The following JAKMIP2 variants were observed in gnomAD, a reference collection of about 807,000 sequenced individuals.
JAKMIP2 encodes janus kinase and microtubule interacting protein 2.
In JAKMIP2, 25 loss-of-function variants were observed where a neutral mutation model predicts 115.0. The ratio of observed to expected loss-of-function variants is 0.22; its 90% CI spans 0.16 to 0.30. The LOEUF is 0.30. Ranked by LOEUF, JAKMIP2 falls within the 10% of genes least tolerant of loss-of-function variation. The probability of loss-of-function intolerance (pLI) is 1.00; values close to 1 mark genes in which losing one functional copy is unlikely to be tolerated. For synonymous variants in JAKMIP2, 334 were observed against 343.6 expected (o/e 0.97, Z 0.31); for missense variants, 642 against 957.6 (o/e 0.67, Z 4.35).
chr5:147,595,654 G>GT, intron 21 of JAKMIP2: 1 of 366,420 alleles, frequency 2.7e-6, no homozygotes, highest in South Asian at 2.1e-5. Context: ...CAGAATTGTT[G>GT]TAAGTATTAC....
chr5:147,703,752 C>CT (rs965047238), intron 1 of JAKMIP2, among the ~76,000 whole-genome samples: 3 of 151,164 alleles, frequency 2.0e-5, no homozygotes, highest in African/African-American at 4.9e-5. Context: ...ACTTCATAAA[C>CT]TTTTTTTTTA....
chr5:147,636,172 T>C, intron 12 of JAKMIP2, 50 bp downstream of exon 12: 2 of 1,482,458 alleles, frequency 1.3e-6, no homozygotes, highest in Non-Finnish European at 1.9e-6. Flanking sequence ...TGCTCCTGGA[T>C]CTCTCATGAT....
intron 1 of JAKMIP2, among the ~76,000 whole-genome samples, chr5:147,735,355 GT>G (rs748146811): frequency 9.9e-5 from 15 of 152,172 alleles, no homozygotes; most frequent in Non-Finnish European, 2.1e-4. Context: ...AGACTGGGTA[GT>G]TTATAAAGGA....
At chr5:147,620,766 T>TA in intron 17 of JAKMIP2, 23 bp from the exon 18 acceptor site, 1 of 1,557,160 alleles carries the variant, frequency 6.4e-7, no homozygotes, top group East Asian at 2.2e-5. Context: ...GCCATATTGA[T>TA]AGAGTCAGCT....
chr5:147,711,480 G>A (rs1393297064), intron 1 of JAKMIP2, among the ~76,000 whole-genome samples: 1 of 152,084 alleles, frequency 6.6e-6, no homozygotes, highest in Non-Finnish European at 1.5e-5. Flanking sequence ...AGGCAAAGGG[G>A]GCATATTGGT....
intron 21 of JAKMIP2, chr5:147,594,617 C>T: frequency 3.4e-6 from 1 of 294,406 alleles, no homozygotes; most frequent in Non-Finnish European, 7.2e-6. Flanking sequence ...TACAGAGCCA[C>T]TGTGCCCAGC....
At chr5:147,591,809 CT>C (rs1199405385) in intron 21 of JAKMIP2, 123 bp from the exon 22 acceptor site, 7 of 607,062 alleles carry the variant, frequency 1.2e-5, no homozygotes, top group Non-Finnish European at 2.0e-5. Flanking sequence ...TGTGTATGAT[CT>C]TATGCAAGTT....
At chr5:147,630,916 C>A (rs1332494405) in intron 14 of JAKMIP2, among the ~76,000 whole-genome samples, 2 of 152,102 alleles carry the variant, frequency 1.3e-5, no homozygotes, top group Non-Finnish European at 2.9e-5. Context: ...CTGTTATAAA[C>A]CCTAAGCCCT....
At chr5:147,725,251 T>C (rs2126954328) in intron 1 of JAKMIP2, among the ~76,000 whole-genome samples, 1 of 152,294 alleles carries the variant, frequency 6.6e-6, no homozygotes, top group Middle Eastern at 3.4e-3. Context: ...ACCCCTTTCC[T>C]GGAAAACTCA....
intron 1 of JAKMIP2, among the ~76,000 whole-genome samples, chr5:147,680,510 T>C (rs1760203917): frequency 1.3e-5 from 2 of 152,240 alleles, no homozygotes; most frequent in African/African-American, 4.8e-5. Context: ...TTCACATGTA[T>C]GAAGCTAAAT....
chr5:147,720,953 TTC>T (rs1311124665), intron 1 of JAKMIP2, among the ~76,000 whole-genome samples: 1 of 151,806 alleles, frequency 6.6e-6, no homozygotes, highest in Non-Finnish European at 1.5e-5. Context: ...AGTTTTTCTG[TTC>T]TGTTTTTTCC....
At chr5:147,701,737 T>C (rs1752333104) in intron 1 of JAKMIP2, among the ~76,000 whole-genome samples, 2 of 152,196 alleles carry the variant, frequency 1.3e-5, no homozygotes, top group South Asian at 4.1e-4. Context: ...TTGCCCCTTC[T>C]GCCATGTGAG....
chr5:147,709,527 G>A (rs1376619728), intron 1 of JAKMIP2, among the ~76,000 whole-genome samples: 1 of 152,116 alleles, frequency 6.6e-6, no homozygotes, highest in African/African-American at 2.4e-5. Flanking sequence ...GACTTACTGT[G>A]AAGTCAGTAT....
intron 1 of JAKMIP2, among the ~76,000 whole-genome samples, chr5:147,674,035 C>T (rs1404742939): frequency 5.3e-5 from 8 of 152,116 alleles, no homozygotes. Context: ...TATATACATA[C>T]AACACTTTAC....
At chr5:147,623,048 GTA>G (rs1358907529) in intron 17 of JAKMIP2, among the ~76,000 whole-genome samples, 2 of 152,098 alleles carry the variant, frequency 1.3e-5, no homozygotes, top group Non-Finnish European at 2.9e-5. Flanking sequence ...AGCCCCCTGA[GTA>G]GCTGGGACCA....
intron 20 of JAKMIP2, among the ~76,000 whole-genome samples, chr5:147,605,181 T>A (rs1287809870): frequency 1.3e-5 from 2 of 150,996 alleles, no homozygotes; most frequent in Non-Finnish European, 2.9e-5. Flanking sequence ...TTGCATAGTA[T>A]TCCATGGTGT....
intron 1 of JAKMIP2, among the ~76,000 whole-genome samples, chr5:147,718,847 T>C (rs1269765814): frequency 6.6e-6 from 1 of 151,286 alleles, no homozygotes; most frequent in Non-Finnish European, 1.5e-5. Flanking sequence ...CTCTATTTCC[T>C]TCAGTTCTGC....
chr5:147,725,103 A>G (rs1468184319), intron 1 of JAKMIP2, among the ~76,000 whole-genome samples: 1 of 152,132 alleles, frequency 6.6e-6, no homozygotes, highest in Admixed American at 6.5e-5. Context: ...ATTGCTCATT[A>G]TACATTAATT....
At chr5:147,609,105 C>T (rs1756178421) in intron 20 of JAKMIP2, among the ~76,000 whole-genome samples, 1 of 152,034 alleles carries the variant, frequency 6.6e-6, no homozygotes, top group Non-Finnish European at 1.5e-5. Context: ...ATACAGTACA[C>T]TAATGGGTTT....
Sources: gnomAD v4.1 joint callset for allele counts (sites outside exome capture counted in the v4.1 genomes callset) on GRCh38, gnomAD v4.1.1 for gene constraint, MANE v1.5 for transcripts, NCBI Gene and HGNC (gene_info 2026-07-23, HGNC 2026-07-21) for gene names.